NF1: variants seen among roughly 807,000 people sequenced by gnomAD.
NF1 encodes the protein neurofibromin 1.
In NF1, 122 loss-of-function variants were observed where a neutral mutation model predicts 325.7. The ratio of observed to expected loss-of-function variants is 0.37; its 90% CI spans 0.32 to 0.44. The LOEUF (loss-of-function observed/expected upper bound fraction) is 0.44, where lower values mean the gene tolerates loss of function less well. NF1 is among the 20% of genes least tolerant of loss of function. The pLI, the probability that NF1 is intolerant of heterozygous loss-of-function variation, is 1.00. For synonymous variants in NF1, 1,091 were observed against 1,186.0 expected, an observed-to-expected ratio of 0.92 and a Z score of 1.65; for missense variants, 2,140 against 3,415.4, an observed-to-expected ratio of 0.63 and a Z score of 9.31.
chr17:31,295,653 A>G (rs766729898), intron 36 of NF1: 1 of 1,614,156 alleles, frequency 6.2e-7, no homozygotes, highest in Non-Finnish European at 8.5e-7. Context: ...TCACATGACC[A>G]CCTGTTATTG....
At position 31,229,829 on chromosome 17, in the gene NF1, CT is replaced by C. The variant is rs876660379; in HGVS notation, c.2851-3del. 1.9e-6 allele frequency: 3 copies of C among 1,611,440 alleles called. No homozygotes were observed. Among genetic ancestry groups the C allele is most frequent in the Admixed American group, 1.7e-5 (1 of 59,978 alleles). ...CAAATCATTAATGTATTTGTTCTTT[CT>C]TTAGGTTTTATTGACTGATACCAAT... is the stretch of plus-strand genomic sequence containing the variant. On this transcript the variant is annotated splice_polypyrimidine_tract_variant and splice_region_variant and intron_variant, in intron 21 of 57. Coordinates refer to ENST00000358273, the MANE Select transcript of NF1 (RefSeq NM_001042492.3).
At chr17:31,100,886 A>G (rs1016346638) in intron 1 of NF1, among the ~76,000 whole-genome samples, 2 of 152,148 alleles carry the variant, frequency 1.3e-5, no homozygotes, top group Non-Finnish European at 1.5e-5. Flanking sequence ...ATCCTTTAGA[A>G]AGATTTCTTC....
At chr17:31,106,267 A>C (rs553455524) in intron 1 of NF1, among the ~76,000 whole-genome samples, 11 of 152,212 alleles carry the variant, frequency 7.2e-5, no homozygotes, top group Non-Finnish European at 1.6e-4. Context: ...TACCCTTCTC[A>C]CATCATGGGC....
chr17:31,127,325 T>C (rs903011689), intron 1 of NF1, among the ~76,000 whole-genome samples: 8 of 152,170 alleles, frequency 5.3e-5, no homozygotes, highest in African/African-American at 1.9e-4. Flanking sequence ...TGGTATTGCA[T>C]TGAGTCTTTG....
intron 12 of NF1, among the ~76,000 whole-genome samples, chr17:31,212,397 GA>G (rs2066744247): frequency 6.6e-6 from 1 of 152,166 alleles, no homozygotes; most frequent in South Asian, 2.1e-4. Flanking sequence ...CTTTAAGTAG[GA>G]GTATAACAAT....
intron 3 of NF1, among the ~76,000 whole-genome samples, 163 bp downstream of exon 3, chr17:31,159,256 T>A (rs1248835450): frequency 6.6e-6 from 1 of 152,140 alleles, no homozygotes; most frequent in Non-Finnish European, 1.5e-5. Flanking sequence ...TGACAGACAA[T>A]TTTTCATGAG....
At chr17:31,183,112 A>G (rs2066168106) in intron 8 of NF1, 4 of 354,890 alleles carry the variant, frequency 1.1e-5, no homozygotes, top group Non-Finnish European at 1.5e-5. Context: ...GAATTTTGCC[A>G]GGAAGGTAAG....
chr17:31,215,802 C>T (rs778729627), intron 13 of NF1, among the ~76,000 whole-genome samples: 2 of 152,100 alleles, frequency 1.3e-5, no homozygotes, highest in East Asian at 3.8e-4. Flanking sequence ...AAGGTGCTTT[C>T]GATTTTGGTG....
chr17:31,197,601 A>G (rs1163809991), intron 8 of NF1, among the ~76,000 whole-genome samples: 1 of 151,140 alleles, frequency 6.6e-6, no homozygotes, highest in Non-Finnish European at 1.5e-5. Flanking sequence ...TCCTTTTTGT[A>G]TTTTTCATTG....
chr17:31,324,087 T>C (rs2069281981), intron 36 of NF1, among the ~76,000 whole-genome samples: 1 of 152,170 alleles, frequency 6.6e-6, no homozygotes, highest in Non-Finnish European at 1.5e-5. Flanking sequence ...TTTTTGTTTT[T>C]GTTGGAATCT....
rs1487025591 is a variant in NF1, at chr17:31,357,342, T to G, written c.7943T>G (p.Val2648Gly). Residue 2648 changes from valine (V) to glycine (G), a missense_variant, in exon 54 of 58, where the codon GTT (valine) becomes GGT (glycine). This residue lies in a region of NF1 where 522 missense variants were observed against 749.0 expected (regional missense o/e 0.70). Coordinates refer to ENST00000358273, the MANE Select transcript of NF1 (RefSeq NM_001042492.3). ...TATGAATACTTAGCAGAGGCCAGTGTTGTGTTTCCCAAAGTCTTTCCTGTT... is the reference window on the plus strand; with the variant it reads ...TATGAATACTTAGCAGAGGCCAGTGGTGTGTTTCCCAAAGTCTTTCCTGTT... Reference protein sequence around the residue: ...ILYEYLAEASVVFPKVFPVVH... With the variant: ...ILYEYLAEASGVFPKVFPVVH... 2 of 1,613,880 alleles carry G rather than the reference T, an allele frequency of 1.2e-6. No individual in the cohort carries two copies. The highest frequency in any genetic ancestry group is 8.5e-7 in the Non-Finnish European group (1 of 1,179,796).
intron 1 of NF1, among the ~76,000 whole-genome samples, chr17:31,105,990 C>T (rs1912827322): frequency 6.6e-6 from 1 of 152,188 alleles, no homozygotes; most frequent in Non-Finnish European, 1.5e-5. Flanking sequence ...ATTTTATACT[C>T]AGATAATGAC....
At chr17:31,232,036 T>A (rs2151433500) in intron 24 of NF1, 37 bp from the exon 25 acceptor site, 1 of 1,189,784 alleles carries the variant, frequency 8.4e-7, no homozygotes, top group Non-Finnish European at 1.2e-6. Flanking sequence ...AGATTCATGG[T>A]CTCTAAATTT....
intron 29 of NF1, among the ~76,000 whole-genome samples, chr17:31,238,147 G>A (rs983999890): frequency 6.6e-6 from 1 of 152,084 alleles, no homozygotes; most frequent in African/African-American, 2.4e-5. Context: ...AGCATGGAGT[G>A]CCTAGAGAGT....
At chr17:31,361,850 A>G (rs1226951136) in intron 57 of NF1, among the ~76,000 whole-genome samples, 3 of 152,242 alleles carry the variant, frequency 2.0e-5, no homozygotes, top group Admixed American at 6.5e-5. Context: ...ACTATATTCT[A>G]TTAAATTCTG....
intron 57 of NF1, among the ~76,000 whole-genome samples, chr17:31,372,130 A>AAT (rs2070653471): frequency 6.6e-6 from 1 of 152,232 alleles, no homozygotes; most frequent in Non-Finnish European, 1.5e-5. Context: ...TTAAAATTTC[A>AAT]ATATATAAAG....
At chr17:31,102,577 T>TA (rs1189183734) in intron 1 of NF1, among the ~76,000 whole-genome samples, 2 of 151,566 alleles carry the variant, frequency 1.3e-5, no homozygotes, top group Non-Finnish European at 2.9e-5. Flanking sequence ...ATGCTGTCTC[T>TA]AAAAAAAATT....
At chr17:31,187,430 C>A (rs1456990911) in intron 8 of NF1, among the ~76,000 whole-genome samples, 1 of 152,090 alleles carries the variant, frequency 6.6e-6, no homozygotes. Flanking sequence ...ATCTCTTGAC[C>A]TTGTATCTGC....
At position 31,179,151 on chromosome 17, in the gene NF1, C is replaced by G. The variant is rs61538717; in HGVS notation, c.587-2271C>G. On this transcript the variant is annotated intron_variant, in intron 5 of 57. Transcript: ENST00000358273. ...TCAGCAAATGCCAAAGAATGGAAAT[C>G]ATAACAAAGACTCTCAGACCACAGT... Among the ~76,000 whole-genome samples, 1,194 of 152,220 alleles carry G rather than the reference C, an allele frequency of 7.8e-3. 21 individuals are homozygous for G. The highest frequency in any genetic ancestry group is 0.028 in the African/African-American group (1,144 of 41,560).
Sources: allele counts gnomAD v4.1 joint callset (sites outside exome capture counted in the v4.1 genomes callset), GRCh38; gene constraint gnomAD v4.1.1; regional missense constraint gnomAD v4.1.1; transcripts MANE v1.5; gene names NCBI Gene and HGNC (gene_info 2026-07-23, HGNC 2026-07-21).